Variants in FAM120B observed in about 807,000 individuals in gnomAD.
The protein encoded by FAM120B is constitutive coactivator of peroxisome proliferator-activated receptor gamma.
Under a neutral mutation model 96.3 loss-of-function variants are expected in FAM120B, and 83 were observed. That is an observed-to-expected ratio of 0.86 (90% CI 0.72 to 1.03). FAM120B has a LOEUF of 1.03. FAM120B is among the 50% of genes least tolerant of loss of function. FAM120B has a pLI of 0.00. For missense variants in FAM120B, 1,027 were observed against 1,121.2 expected, an observed-to-expected ratio of 0.92 and a Z score of 1.20; for synonymous variants, 407 against 402.7, an observed-to-expected ratio of 1.01 and a Z score of -0.13.
chr6:170,391,231 C>A, intron 8 of FAM120B, 110 bp downstream of exon 8: 1 of 796,766 alleles, frequency 1.3e-6, no homozygotes, highest in Non-Finnish European at 2.2e-6. Context: ...ATTGGATGAA[C>A]AGAATAGAAT....
intron 8 of FAM120B, among the ~76,000 whole-genome samples, chr6:170,391,874 A>G (rs965553486): frequency 1.3e-5 from 2 of 152,192 alleles, no homozygotes; most frequent in Non-Finnish European, 2.9e-5. Flanking sequence ...CATTGTGAGT[A>G]CACTCCATGC....
intron 4 of FAM120B, among the ~76,000 whole-genome samples, chr6:170,344,551 C>T (rs879498569): frequency 4.6e-5 from 7 of 151,340 alleles, no homozygotes; most frequent in Non-Finnish European, 7.4e-5. Flanking sequence ...TCACCTGCAC[C>T]GTTGCCTGCG....
chr6:170,308,767 C>T (rs1274784733), intron 1 of FAM120B, among the ~76,000 whole-genome samples: 1 of 152,194 alleles, frequency 6.6e-6, no homozygotes, highest in Admixed American at 6.5e-5. Context: ...GTCCTTCAGA[C>T]ACCTTCCCTT....
chr6:170,295,384 G>C lies in FAM120B; in HGVS notation c.-22G>C, dbSNP rs1276847121. ...CATCGTTCGTCACAGCCTGGAAAAGGGAGGGGGCATCGATCTGGTTTATGT... is the reference window on the plus strand; with the variant it reads ...CATCGTTCGTCACAGCCTGGAAAAGCGAGGGGGCATCGATCTGGTTTATGT... On this transcript the variant is annotated 5_prime_UTR_variant, in exon 1 of 11. Coordinates refer to the FAM120B transcript ENST00000537664. The surrounding 1 kb of genome is among the most constrained non-coding windows in gnomAD (Gnocchi z 7.8). The C allele has an allele frequency of 1.4e-6, 1 of 701,114 alleles. No homozygotes were observed. The highest frequency in any genetic ancestry group is 2.0e-5 in the Admixed American group (1 of 49,910). 43.4% of individuals were successfully genotyped at this position (701,114 alleles called of 1,614,324 possible). A position where few individuals can be genotyped will look rare whatever the true frequency, so the allele number is the denominator to read the frequency against.
Position 170,392,502 on chromosome 6 carries a change from T to C in FAM120B, c.2599+1381T>C, listed in dbSNP as rs1053883849. Reference sequence around the variant, plus strand: ...TGAAAAATCTATCTCATTGATTGAATGCTGCTTTGTCTGTCAGTGAAGTTA... The same window carrying C: ...TGAAAAATCTATCTCATTGATTGAACGCTGCTTTGTCTGTCAGTGAAGTTA... On this transcript the variant is annotated intron_variant, in intron 8 of 10. Transcript: ENST00000476287. Among the ~76,000 whole-genome samples the C allele has an allele frequency of 3.3e-5, 5 of 152,264 alleles. No homozygotes were observed. The South Asian group carries it at 1.0e-3, about 31-fold the overall frequency.
chr6:170,369,487 A>T (rs529142231), intron 6 of FAM120B, among the ~76,000 whole-genome samples: 1 of 152,196 alleles, frequency 6.6e-6, no homozygotes, highest in African/African-American at 2.4e-5. Context: ...AGGAAGCAAG[A>T]AAAGGTAAGA....
chr6:170,302,401 C>T (rs1199556051), upstream of FAM120B, among the ~76,000 whole-genome samples: 1 of 152,210 alleles, frequency 6.6e-6, no homozygotes, highest in African/African-American at 2.4e-5. Context: ...AACTACAGTT[C>T]AAGATGAGAT....
intron 3 of FAM120B, among the ~76,000 whole-genome samples, chr6:170,329,091 A>T (rs1785817099): frequency 6.6e-6 from 1 of 152,176 alleles, no homozygotes; most frequent in African/African-American, 2.4e-5. Context: ...CAGCCCCAGG[A>T]CCTTGCCTGG....
At chr6:170,376,692 G>GT (rs1789541523) in intron 6 of FAM120B, among the ~76,000 whole-genome samples, 5 of 152,220 alleles carry the variant, frequency 3.3e-5, no homozygotes, top group Non-Finnish European at 5.9e-5. Context: ...TTACGGATGA[G>GT]TGGTGAGGCA....
In FAM120B at chr6:170,363,924, G is replaced by T. The variant is rs1788618491; in HGVS notation, c.2283+5606G>T. On this transcript the variant is annotated intron_variant, in intron 6 of 10. Transcript: ENST00000476287. The surrounding 1 kb of genome is among the most constrained non-coding windows in gnomAD (Gnocchi z 4.5). ...ATTTTTGTATTTTCAATAGAGATGG[G>T]GTTTTACCATGTTGGCCAGACTGGT... Among the ~76,000 whole-genome samples the T allele has an allele frequency of 6.6e-6, 1 of 152,082 alleles. No homozygotes were observed. Among genetic ancestry groups the T allele is most frequent in the African/African-American group, 2.4e-5 (1 of 41,396 alleles).
chr6:170,395,724 T>A, intron 9 of FAM120B, 145 bp downstream of exon 9: 1 of 625,952 alleles, frequency 1.6e-6, no homozygotes, highest in Non-Finnish European at 2.9e-6. Flanking sequence ...ATGCATCTAA[T>A]TTTTATCATT....
chr6:170,361,197 T>C (rs1334119524), intron 6 of FAM120B, among the ~76,000 whole-genome samples: 6 of 44,150 alleles, frequency 1.4e-4, no homozygotes, highest in Admixed American at 5.3e-4. Context: ...TATATATACG[T>C]GTATATATAT....
rs577146615 is a variant in FAM120B, at chr6:170,361,216, A to ACG, written c.2283+2898_2283+2899insCG. Among the ~76,000 whole-genome samples, 589 of 106,760 alleles carry ACG rather than the reference A, an allele frequency of 5.5e-3. 17 individuals carry two copies. Among genetic ancestry groups the ACG allele is most frequent in the East Asian group, 0.052 (57 of 1,086 alleles). 70.0% of individuals were successfully genotyped at this position (106,760 alleles called of 152,430 possible). On this transcript the variant is annotated intron_variant, in intron 6 of 10. Transcript: ENST00000476287. ...TATACGTGTATATATATATATATAT[A>ACG]TATATATATATATATATATACACGT...
rs909548853 is a variant in FAM120B, at chr6:170,391,923, G to A, written c.2599+802G>A. Among the ~76,000 whole-genome samples, 4 of 152,024 alleles carry A rather than the reference G, an allele frequency of 2.6e-5. No homozygotes were observed. The South Asian group carries it at 8.3e-4, about 32-fold the overall frequency. On this transcript the variant is annotated intron_variant, in intron 8 of 10. Coordinates refer to ENST00000476287, the MANE Select transcript of FAM120B (RefSeq NM_032448.3). The stretch of plus-strand genomic sequence containing the variant: ...CTTTCCCACTTAGCACTTAACTTAG[G>A]GCGTTAACACCGTTCTTCTTAAACA...
chr6:170,311,003 A>G lies in FAM120B; in HGVS notation c.-22+4161A>G, dbSNP rs377115113. ...ATGTTCTTAGTGTATTTCTGGGGGG[A>G]TAGAAGAGGGTCTCTCTGCCCTTCT... is the stretch of plus-strand genomic sequence containing the variant. On this transcript the variant is annotated intron_variant, in intron 1 of 10. Transcript: ENST00000476287. Among the ~76,000 whole-genome samples, 30 of 152,242 alleles carry G rather than the reference A, an allele frequency of 2.0e-4. No homozygotes were observed. In the South Asian group the frequency reaches 2.3e-3, roughly 12 times the overall value.
chr6:170,369,779 A>G (rs1263711580), intron 6 of FAM120B, among the ~76,000 whole-genome samples: 1 of 148,318 alleles, frequency 6.7e-6, no homozygotes, highest in Admixed American at 6.8e-5. Flanking sequence ...AAGTATGTCT[A>G]TGTTCTTGGA....
intron 6 of FAM120B, 27 bp from the exon 7 acceptor site, chr6:170,388,260 T>G (rs1487197597): frequency 2.5e-6 from 4 of 1,606,008 alleles, no homozygotes. Context: ...TGTCTTACAT[T>G]TTTGGTGTGT....
chr6:170,386,743 G>C (rs757154376), intron 6 of FAM120B, among the ~76,000 whole-genome samples: 3 of 152,178 alleles, frequency 2.0e-5, no homozygotes, highest in Non-Finnish European at 4.4e-5. Flanking sequence ...CTTTCCAACT[G>C]TTTCTCTAAG....
intron 6 of FAM120B, among the ~76,000 whole-genome samples, chr6:170,367,991 G>A (rs182263090): frequency 6.6e-6 from 1 of 152,304 alleles, no homozygotes; most frequent in Non-Finnish European, 1.5e-5. Context: ...CAAGCATCAA[G>A]TGCCTTTTTA....
Sources: allele counts gnomAD v4.1 joint callset (sites outside exome capture counted in the v4.1 genomes callset), GRCh38; gene constraint gnomAD v4.1.1; non-coding constraint Gnocchi (gnomAD v3.1); transcripts MANE v1.5; gene names NCBI Gene and HGNC (gene_info 2026-07-23, HGNC 2026-07-21).